RBFOX1: variants seen among roughly 807,000 people sequenced by gnomAD.
RBFOX1 encodes RNA binding fox-1 homolog 1.
RBFOX1 carries 8 observed loss-of-function variants against 57.7 expected under a neutral mutation model. The observed-to-expected ratio is 0.14, with a 90% confidence interval of 0.08 to 0.25. The LOEUF is 0.25. Ranked by LOEUF, RBFOX1 falls within the 10% of genes least tolerant of loss-of-function variation. The pLI is 1.00. For synonymous variants in RBFOX1, 326 were observed against 222.4 expected, an observed-to-expected ratio of 1.47 and a Z score of -4.15; for missense variants, 611 against 548.5, an observed-to-expected ratio of 1.11 and a Z score of -1.14.
chr16:7,423,323 CAA>C (rs1340924598), intron 4 of RBFOX1, among the ~76,000 whole-genome samples: 2 of 151,764 alleles, frequency 1.3e-5, no homozygotes, highest in South Asian at 2.1e-4. Context: ...GTTCTAAACA[CAA>C]AGAGTGCATC....
At chr16:6,515,703 C>G (rs1002030195) in intron 2 of RBFOX1, among the ~76,000 whole-genome samples, 1 of 152,128 alleles carries the variant, frequency 6.6e-6, no homozygotes, top group South Asian at 2.1e-4. Context: ...AAACCCTCCC[C>G]TGCTTTGACT....
intron 10 of RBFOX1, among the ~76,000 whole-genome samples, chr16:7,624,705 C>T (rs2059818726): frequency 6.6e-6 from 1 of 152,200 alleles, no homozygotes; most frequent in Non-Finnish European, 1.5e-5. Context: ...GGGTTCTCCT[C>T]TTAGCCTTCT....
chr16:5,779,011 C>G (rs896030201), intron 3 of RBFOX1, among the ~76,000 whole-genome samples: 1 of 152,114 alleles, frequency 6.6e-6, no homozygotes, highest in South Asian at 2.1e-4. Flanking sequence ...ATATTGAGCC[C>G]TCATTGATTT....
chr16:6,140,359 T>C (rs905441372), intron 1 of RBFOX1, among the ~76,000 whole-genome samples: 1 of 152,058 alleles, frequency 6.6e-6, no homozygotes, highest in African/African-American at 2.4e-5. Context: ...GCATGGCTAA[T>C]TTTTTAATAT....
At chr16:5,566,824 C>T (rs932865386) in intron 2 of RBFOX1, among the ~76,000 whole-genome samples, 2 of 151,976 alleles carry the variant, frequency 1.3e-5, no homozygotes, top group African/African-American at 4.8e-5. Context: ...ACAGACACAC[C>T]GCATCGACTC....
intron 3 of RBFOX1, among the ~76,000 whole-genome samples, chr16:6,665,541 C>A (rs185196886): frequency 6.6e-6 from 1 of 151,618 alleles, no homozygotes; most frequent in South Asian, 2.1e-4. Flanking sequence ...AGGAGAATCA[C>A]TTAAACCTGG....
chr16:6,296,645 C>A (rs956704143), intron 1 of RBFOX1, among the ~76,000 whole-genome samples: 2 of 152,174 alleles, frequency 1.3e-5, no homozygotes, highest in Non-Finnish European at 2.9e-5. Context: ...TGGTCTCGAT[C>A]TCCTGACCTT....
At chr16:5,430,777 T>A (rs951808194) in intron 1 of RBFOX1, among the ~76,000 whole-genome samples, 2 of 152,208 alleles carry the variant, frequency 1.3e-5, no homozygotes, top group Non-Finnish European at 2.9e-5. Flanking sequence ...GCAATAGCCT[T>A]TGCAAAAGGC....
chr16:6,917,663 T>C (rs981679004), intron 3 of RBFOX1, among the ~76,000 whole-genome samples: 1 of 152,186 alleles, frequency 6.6e-6, no homozygotes, highest in Non-Finnish European at 1.5e-5. Context: ...CCATTTGCTG[T>C]TTTGAAGGAG....
At chr16:5,805,228 T>C (rs1263161366) in intron 3 of RBFOX1, among the ~76,000 whole-genome samples, 1 of 152,164 alleles carries the variant, frequency 6.6e-6, no homozygotes, top group African/African-American at 2.4e-5. Flanking sequence ...GAATAGAGCC[T>C]GGATTAAAAT....
intron 1 of RBFOX1, among the ~76,000 whole-genome samples, chr16:6,171,891 C>T (rs907359998): frequency 1.9e-4 from 29 of 151,898 alleles, no homozygotes; most frequent in African/African-American, 5.1e-4. Context: ...GCATGATTTC[C>T]GCTCACTGTG....
In RBFOX1 at chr16:5,350,650, G is replaced by C. The variant is rs138101884; in HGVS notation, c.219+110545G>C. Among the ~76,000 whole-genome samples the C allele has an allele frequency of 4.8e-3, 737 of 152,276 alleles. 6 individuals carry two copies. Among genetic ancestry groups the C allele is most frequent in the African/African-American group, 0.017 (697 of 41,554 alleles). Reference sequence around the variant, plus strand: ...GGAGGCCAAAGCGGGCGGATCACCTGAAGTCAGAAGTTTGAGACCAGCCTG... The same window carrying C: ...GGAGGCCAAAGCGGGCGGATCACCTCAAGTCAGAAGTTTGAGACCAGCCTG... On this transcript the variant is annotated intron_variant, in intron 1 of 2. Transcript: ENST00000585867.
chr16:6,192,573 C>G (rs924317623), intron 1 of RBFOX1, among the ~76,000 whole-genome samples: 1 of 152,122 alleles, frequency 6.6e-6, no homozygotes, highest in Non-Finnish European at 1.5e-5. Context: ...CACTAAGCAT[C>G]TTCTTATAAT....
chr16:6,715,131 C>T (rs1276444469), intron 3 of RBFOX1, among the ~76,000 whole-genome samples: 1 of 152,138 alleles, frequency 6.6e-6, no homozygotes, highest in Non-Finnish European at 1.5e-5. Context: ...CCACTTGGGA[C>T]TAAGCCACAG....
At chr16:6,994,227 C>G (rs1227240031) in intron 3 of RBFOX1, among the ~76,000 whole-genome samples, 6 of 152,134 alleles carry the variant, frequency 3.9e-5, no homozygotes, top group African/African-American at 1.4e-4. Flanking sequence ...CAGTAGTACT[C>G]TAAGGTTAAG....
intron 1 of RBFOX1, among the ~76,000 whole-genome samples, chr16:6,181,571 G>A (rs1322500164): frequency 6.6e-6 from 1 of 152,144 alleles, no homozygotes. Flanking sequence ...CCAGGAAAGG[G>A]CACAACGCAT....
At chr16:5,540,698 C>T (rs67240172) in intron 2 of RBFOX1, among the ~76,000 whole-genome samples, 62,840 of 151,880 alleles carry the variant, frequency 0.41, 13,355 homozygotes, top group African/African-American at 0.45. Flanking sequence ...ACTGACATCA[C>T]GGACTCTGAC....
intron 4 of RBFOX1, among the ~76,000 whole-genome samples, chr16:7,407,920 A>G (rs150626427): frequency 1.3e-5 from 2 of 152,292 alleles, no homozygotes; most frequent in African/African-American, 4.8e-5. Context: ...TTTGTTTACC[A>G]ATCGTGGGTG....
intron 3 of RBFOX1, among the ~76,000 whole-genome samples, chr16:6,678,406 G>C (rs967765011): frequency 6.6e-6 from 1 of 151,982 alleles, no homozygotes; most frequent in African/African-American, 2.4e-5. Context: ...TTACAGGCAT[G>C]AGCCGCTGCA....
Sources: allele counts gnomAD v4.1 joint callset (sites outside exome capture counted in the v4.1 genomes callset), GRCh38; gene constraint gnomAD v4.1.1; transcripts MANE v1.5; gene names NCBI Gene and HGNC (gene_info 2026-07-23, HGNC 2026-07-21).